The following CYTH3 variants were observed in gnomAD, a reference collection of about 807,000 sequenced individuals.
CYTH3 encodes the protein cytohesin-3.
In CYTH3, 23 loss-of-function variants were observed where a neutral mutation model predicts 55.1. The ratio of observed to expected loss-of-function variants is 0.42; its 90% CI spans 0.30 to 0.59. The LOEUF is 0.59. Ranked by LOEUF, CYTH3 falls within the 20% of genes least tolerant of loss-of-function variation. CYTH3 has a pLI of 0.20. For missense variants in CYTH3, 413 were observed against 524.8 expected, an observed-to-expected ratio of 0.79 and a Z score of 2.08; for synonymous variants, 249 against 194.9, an observed-to-expected ratio of 1.28 and a Z score of -2.31.
Position 6,190,529 on chromosome 7 carries a change from G to C in CYTH3, c.37C>G (p.Pro13Ala), listed in dbSNP as rs1333318616. Residue 13 changes from proline to alanine, a missense_variant and splice_region_variant, in exon 2 of 13, where the codon CCT becomes GCT. Physicochemically the swap from Pro to Ala is conservative, Grantham distance 27. Coordinates refer to ENST00000350796, the MANE Select transcript of CYTH3 (RefSeq NM_004227.4). The part of the protein sequence containing the change: ...EDGGGEGGGV[P>A]EDLSLEEREE... ...CTCTCTTCTAATGAGAGGTCTTCAG[G>C]CACTGAAAGAAGAAAAAAATAATTA... 3.3e-6 allele frequency: 5 copies of C among 1,504,420 alleles called. No homozygotes were observed. The South Asian group carries it at 6.5e-5, about 19-fold the overall frequency. The allele number at this position is 1,504,420 out of a possible 1,614,324, so 93.2% of individuals were successfully genotyped here.
chr7:6,230,505 T>C (rs1779364011), intron 1 of CYTH3, among the ~76,000 whole-genome samples: 1 of 152,222 alleles, frequency 6.6e-6, no homozygotes, highest in South Asian at 2.1e-4. Context: ...GCCACCAGAC[T>C]TAAAATTCTG....
At chr7:6,233,685 T>C (rs1779443618) in intron 1 of CYTH3, among the ~76,000 whole-genome samples, 1 of 150,326 alleles carries the variant, frequency 6.7e-6, no homozygotes, top group Admixed American at 6.6e-5. Context: ...ATTCAGTAAA[T>C]GTGTCTCTTC....
chr7:6,249,888 ACT>A (rs1268512512), intron 1 of CYTH3, among the ~76,000 whole-genome samples: 3 of 152,128 alleles, frequency 2.0e-5, no homozygotes, highest in African/African-American at 7.2e-5. Context: ...ACTTAAAATC[ACT>A]CTGCAAATTT....
In CYTH3 at chr7:6,180,145, T is replaced by A. The variant is rs532440921; in HGVS notation, c.250-2204A>T. Among the ~76,000 whole-genome samples the A allele has an allele frequency of 3.9e-5, 6 of 152,270 alleles. No individual in the cohort carries two copies. In the East Asian group the frequency reaches 1.2e-3, roughly 29 times the overall value. On this transcript the variant is annotated intron_variant, in intron 4 of 12. Transcript: ENST00000350796. ...CAGGACACCCTGAGGGATCACTAGT[T>A]GTCCTGTCATCTCTGGGGCTACAGG... is the stretch of plus-strand genomic sequence containing the variant.
chr7:6,259,772 T>TATATAAAA, intron 1 of CYTH3, among the ~76,000 whole-genome samples: 1 of 30,502 alleles, frequency 3.3e-5, no homozygotes, highest in East Asian at 1.3e-3. Flanking sequence ...TATATATATA[T>TATATAAAA]TATATATATA....
chr7:6,208,860 A>G (rs1210546439), intron 1 of CYTH3, among the ~76,000 whole-genome samples: 1 of 152,198 alleles, frequency 6.6e-6, no homozygotes, highest in African/African-American at 2.4e-5. Context: ...TTTTTATAAC[A>G]TGGTCTAAAG....
intron 9 of CYTH3, among the ~76,000 whole-genome samples, chr7:6,166,723 G>A (rs929144892): frequency 6.6e-6 from 1 of 152,166 alleles, no homozygotes; most frequent in African/African-American, 2.4e-5. Flanking sequence ...TGGCTCAGCG[G>A]AACTGGAGGC....
At chr7:6,216,499 G>A (rs1784430398) in intron 1 of CYTH3, among the ~76,000 whole-genome samples, 1 of 152,044 alleles carries the variant, frequency 6.6e-6, no homozygotes, top group South Asian at 2.1e-4. Context: ...AGCACTTTGG[G>A]AGGCTGAGGT....
chr7:6,212,400 T>C (rs1169057394), intron 1 of CYTH3, among the ~76,000 whole-genome samples: 2 of 152,220 alleles, frequency 1.3e-5, no homozygotes, highest in Non-Finnish European at 2.9e-5. Context: ...TAAAACTCTG[T>C]ACCCATTAAA....
chr7:6,213,543 T>C (rs181412879), intron 1 of CYTH3, among the ~76,000 whole-genome samples: 5 of 152,148 alleles, frequency 3.3e-5, no homozygotes, highest in East Asian at 1.9e-4. Flanking sequence ...TTTTTGTTTG[T>C]TTGTTTGTTT....
At chr7:6,208,951 C>A (rs1784263241) in intron 1 of CYTH3, among the ~76,000 whole-genome samples, 1 of 152,240 alleles carries the variant, frequency 6.6e-6, no homozygotes, top group African/African-American at 2.4e-5. Context: ...CAAATCAGAA[C>A]CTCTGGGTAT....
intron 1 of CYTH3, among the ~76,000 whole-genome samples, chr7:6,257,384 T>G (rs575902201): frequency 6.6e-6 from 1 of 152,342 alleles, no homozygotes; most frequent in East Asian, 1.9e-4. Flanking sequence ...GAAAAGGACA[T>G]TCTTGATTAT....
At chr7:6,222,579 T>C (rs1397151725) in intron 1 of CYTH3, among the ~76,000 whole-genome samples, 1 of 151,968 alleles carries the variant, frequency 6.6e-6, no homozygotes, top group African/African-American at 2.4e-5. Flanking sequence ...ACCCCGTCTC[T>C]ACTAAAAATA....
At chr7:6,209,890 T>A (rs143664154) in intron 1 of CYTH3, among the ~76,000 whole-genome samples, 4 of 152,150 alleles carry the variant, frequency 2.6e-5, no homozygotes, top group African/African-American at 9.7e-5. Flanking sequence ...TTCAACTAGA[T>A]GGCATTCTGG....
chr7:6,239,856 T>C (rs1356181303), intron 1 of CYTH3, among the ~76,000 whole-genome samples: 3 of 152,196 alleles, frequency 2.0e-5, no homozygotes, highest in Non-Finnish European at 2.9e-5. Context: ...ACTTGAATGG[T>C]AACAGACTTG....
chr7:6,229,648 GA>G (rs35933979), intron 1 of CYTH3, among the ~76,000 whole-genome samples: 1,180 of 108,598 alleles, frequency 0.011, 13 homozygotes, highest in South Asian at 0.029. Flanking sequence ...CGTCTCTACT[GA>G]AAAAAAAAAA....
intron 1 of CYTH3, among the ~76,000 whole-genome samples, chr7:6,251,041 G>C (rs566020998): frequency 6.6e-6 from 1 of 152,320 alleles, no homozygotes; most frequent in African/African-American, 2.4e-5. Flanking sequence ...CACTTTGGGA[G>C]GCCAAGGCGG....
chr7:6,162,501 G>A lies in CYTH3; in HGVS notation c.*2443C>T, dbSNP rs1485719834. 6.6e-6 allele frequency: 1 copy of A among 152,288 alleles called. No individual in the cohort carries two copies. Among genetic ancestry groups the A allele is most frequent in the Non-Finnish European group, 1.5e-5 (1 of 68,050 alleles). 9.4% of individuals were successfully genotyped at this position (152,288 alleles called of 1,614,324 possible). ...AAAAACAGATGTGTCCTGTTTCAGG[G>A]CCGTCCTGGTAGCGGCTGGCCCTGC... On this transcript the variant is annotated 3_prime_UTR_variant, in exon 13 of 13. Coordinates refer to ENST00000350796, the MANE Select transcript of CYTH3 (RefSeq NM_004227.4).
At chr7:6,238,991 A>AT (rs1290479747) in intron 1 of CYTH3, among the ~76,000 whole-genome samples, 11 of 152,054 alleles carry the variant, frequency 7.2e-5, no homozygotes, top group African/African-American at 2.4e-4. Flanking sequence ...AGACGTGCTG[A>AT]TTGCTTGAGG....
Sources: allele counts gnomAD v4.1 joint callset (sites outside exome capture counted in the v4.1 genomes callset), GRCh38; gene constraint gnomAD v4.1.1; transcripts MANE v1.5; gene names NCBI Gene and HGNC (gene_info 2026-07-23, HGNC 2026-07-21).